SCARA5: variants seen among roughly 807,000 people sequenced by gnomAD.
SCARA5 encodes scavenger receptor class A member 5.
In SCARA5, 45 loss-of-function variants were observed where a neutral mutation model predicts 46.3. The ratio of observed to expected loss-of-function variants is 0.97; its 90% CI spans 0.76 to 1.24. The LOEUF (loss-of-function observed/expected upper bound fraction) is 1.24. Ranked by LOEUF, SCARA5 falls within the 50% of genes most tolerant of loss-of-function variation. The pLI, the probability that SCARA5 is intolerant of heterozygous loss-of-function variation, is 0.00. For missense variants in SCARA5, 680 were observed against 689.0 expected (o/e 0.99, Z 0.15); for synonymous variants, 333 against 306.5 (o/e 1.09, Z -0.90).
intron 2 of SCARA5, among the ~76,000 whole-genome samples, chr8:27,976,315 A>G (rs1204673566): frequency 1.3e-5 from 2 of 152,186 alleles, no homozygotes; most frequent in Non-Finnish European, 2.9e-5. Flanking sequence ...TGCGGCATCA[A>G]TGCAGTGAGA....
chr8:27,943,398 T>C (rs768196113), intron 3 of SCARA5, among the ~76,000 whole-genome samples: 8 of 151,482 alleles, frequency 5.3e-5, no homozygotes, highest in Non-Finnish European at 1.0e-4. Context: ...AGCACTGCAC[T>C]CCAGCCTGGG....
At chr8:27,955,148 A>G (rs562137096) in intron 3 of SCARA5, among the ~76,000 whole-genome samples, 1 of 152,288 alleles carries the variant, frequency 6.6e-6, no homozygotes, top group South Asian at 2.1e-4. Context: ...AGACCCCTCT[A>G]GAGATGGGGA....
intron 7 of SCARA5, among the ~76,000 whole-genome samples, chr8:27,897,099 A>AT (rs1191630978): frequency 3.3e-5 from 5 of 151,506 alleles, no homozygotes; most frequent in Admixed American, 1.3e-4. Context: ...CTCAAAAAAA[A>AT]AAGAAAAAGA....
At chr8:27,988,482 A>G (rs1419789581) in intron 1 of SCARA5, among the ~76,000 whole-genome samples, 2 of 152,236 alleles carry the variant, frequency 1.3e-5, no homozygotes, top group East Asian at 3.9e-4. Context: ...ATGCACGCGT[A>G]AGGTGCGTGT....
At chr8:27,961,792 C>T (rs533743663) in intron 3 of SCARA5, among the ~76,000 whole-genome samples, 1 of 152,310 alleles carries the variant, frequency 6.6e-6, no homozygotes, top group African/African-American at 2.4e-5. Context: ...CACACACCTG[C>T]CACTTCTACT....
chr8:27,889,483 C>T (rs770755810), intron 7 of SCARA5, among the ~76,000 whole-genome samples: 7 of 152,096 alleles, frequency 4.6e-5, no homozygotes, highest in South Asian at 2.1e-4. Context: ...CAAGTCATCC[C>T]GTAGCTAGCA....
chr8:27,979,416 C>T (rs917212809), intron 2 of SCARA5, among the ~76,000 whole-genome samples: 1 of 152,134 alleles, frequency 6.6e-6, no homozygotes, highest in African/African-American at 2.4e-5. Flanking sequence ...CTTGCAAAAG[C>T]GTATGAGCCA....
chr8:27,898,025 C>T (rs1486660603), intron 7 of SCARA5, among the ~76,000 whole-genome samples: 2 of 152,246 alleles, frequency 1.3e-5, no homozygotes, highest in South Asian at 2.1e-4. Context: ...TCTGGTCTCT[C>T]TCCCTCTGGC....
intron 1 of SCARA5, among the ~76,000 whole-genome samples, chr8:27,987,954 C>G (rs905001305): frequency 1.3e-5 from 2 of 152,184 alleles, no homozygotes; most frequent in African/African-American, 4.8e-5. Flanking sequence ...GTGGGTTACA[C>G]TGGGTGGGGC....
rs190823849 is a variant in SCARA5, at chr8:27,926,327, C to T, written c.242-4082G>A. Among the ~76,000 whole-genome samples, 3 of 152,238 alleles carry T rather than the reference C, an allele frequency of 2.0e-5. No individual in the cohort carries two copies. In the East Asian group the frequency reaches 5.8e-4, roughly 29 times the overall value. On this transcript the variant is annotated intron_variant, in intron 3 of 8. Coordinates refer to ENST00000354914, the MANE Select transcript of SCARA5 (RefSeq NM_173833.6). ...ATGGATAAAGCTGGAAACCATCATT[C>T]TCAGCAAACTATCACAAGGACAGAA...
chr8:27,955,280 G>T (rs556634292), intron 3 of SCARA5, among the ~76,000 whole-genome samples: 1 of 152,266 alleles, frequency 6.6e-6, no homozygotes, highest in South Asian at 2.1e-4. Flanking sequence ...CCTCTTCCAG[G>T]GTTTCCCAGC....
chr8:27,960,575 A>G (rs1056983969), intron 3 of SCARA5, among the ~76,000 whole-genome samples: 1 of 152,168 alleles, frequency 6.6e-6, no homozygotes, highest in African/African-American at 2.4e-5. Flanking sequence ...ACCACGATCA[A>G]CCCATTGTAC....
chr8:27,878,255 A>G (rs1806756134), intron 8 of SCARA5, among the ~76,000 whole-genome samples: 1 of 152,206 alleles, frequency 6.6e-6, no homozygotes, highest in African/African-American at 2.4e-5. Flanking sequence ...CCAGGCTGGG[A>G]GACCCATTAT....
intron 2 of SCARA5, among the ~76,000 whole-genome samples, chr8:27,984,152 G>T (rs76943551): frequency 6.6e-6 from 1 of 150,422 alleles, no homozygotes; most frequent in African/African-American, 2.4e-5. Flanking sequence ...ATTTCACTCC[G>T]CAGAGATAAG....
At chr8:27,901,843 C>T (rs150256711) in intron 7 of SCARA5, among the ~76,000 whole-genome samples, 2 of 152,318 alleles carry the variant, frequency 1.3e-5, no homozygotes, top group African/African-American at 2.4e-5. Flanking sequence ...GGGGCCGAAG[C>T]CCCCATCCCA....
At chr8:27,879,315 G>T (rs1052133952) in intron 8 of SCARA5, among the ~76,000 whole-genome samples, 3 of 152,138 alleles carry the variant, frequency 2.0e-5, no homozygotes, top group African/African-American at 7.2e-5. Flanking sequence ...GGACTGGGAA[G>T]GGCTGGTATG....
At chr8:27,941,993 A>AT (rs998600865) in intron 3 of SCARA5, among the ~76,000 whole-genome samples, 23 of 151,406 alleles carry the variant, frequency 1.5e-4, no homozygotes, top group Non-Finnish European at 2.5e-4. Flanking sequence ...CACTCTGCTA[A>AT]TTTTTTTGTA....
chr8:27,963,943 A>C (rs927837879), intron 3 of SCARA5, among the ~76,000 whole-genome samples: 4 of 152,164 alleles, frequency 2.6e-5, no homozygotes, highest in African/African-American at 4.8e-5. Flanking sequence ...TCTCCTGTGC[A>C]AGGTGACCTC....
chr8:27,913,334 C>T (rs910911329), intron 4 of SCARA5, among the ~76,000 whole-genome samples: 7 of 152,180 alleles, frequency 4.6e-5, no homozygotes, highest in African/African-American at 1.7e-4. Flanking sequence ...TTGGCCAGAG[C>T]CTCGAGGGGC....
Sources: gnomAD v4.1 joint callset for allele counts (sites outside exome capture counted in the v4.1 genomes callset) on GRCh38, gnomAD v4.1.1 for gene constraint, MANE v1.5 for transcripts, NCBI Gene and HGNC (gene_info 2026-07-23, HGNC 2026-07-21) for gene names.